The following UBE2W variants were observed in gnomAD, a reference collection of about 807,000 sequenced individuals.
The protein encoded by UBE2W is ubiquitin-conjugating enzyme E2 W.
UBE2W carries 18 observed loss-of-function variants against 27.2 expected under a neutral mutation model. The observed-to-expected ratio is 0.66, with a 90% confidence interval of 0.46 to 0.98. The LOEUF (loss-of-function observed/expected upper bound fraction) is 0.98, where lower values mean the gene tolerates loss of function less well. Ranked by LOEUF, UBE2W falls within the 50% of genes least tolerant of loss-of-function variation. The pLI is 0.00. For missense variants in UBE2W, 90 were observed against 180.2 expected, an observed-to-expected ratio of 0.50 and a Z score of 2.87; for synonymous variants, 53 against 57.2, an observed-to-expected ratio of 0.93 and a Z score of 0.33.
chr8:73,873,253 CAACA>C (rs1004236927), intron 1 of UBE2W, among the ~76,000 whole-genome samples: 4 of 152,148 alleles, frequency 2.6e-5, no homozygotes, highest in Non-Finnish European at 5.9e-5. Flanking sequence ...ATACTGACAT[CAACA>C]AACAGACGTC....
At chr8:73,794,854 T>TA (rs1289254274) in intron 5 of UBE2W, among the ~76,000 whole-genome samples, 1,097 of 43,802 alleles carry the variant, frequency 0.025, 26 homozygotes, top group East Asian at 0.18. Context: ...CTCTGTCTCA[T>TA]AAAAAAAAAA....
Position 73,791,768 on chromosome 8 carries a change from T to A in UBE2W, c.*2334A>T, listed in dbSNP as rs1226264060. The A allele has an allele frequency of 1.0e-6, 1 of 984,818 alleles. No homozygotes were observed. The highest frequency in any genetic ancestry group is 1.7e-5 in the African/African-American group (1 of 57,234). 61.0% of individuals were successfully genotyped at this position (984,818 alleles called of 1,614,324 possible). ...CTCCTATATTTTAGGATATTTCATC[T>A]TATTTTCTACTCTTTAAACCATAAG... On this transcript the variant is annotated 3_prime_UTR_variant, in exon 6 of 6. Coordinates refer to ENST00000602593, the MANE Select transcript of UBE2W (RefSeq NM_018299.6).
In UBE2W at chr8:73,791,948, G is replaced by A; in HGVS notation, c.*2154C>T. 1 of 985,106 alleles carries A rather than the reference G, an allele frequency of 1.0e-6. No homozygotes were observed. The highest frequency in any genetic ancestry group is 1.2e-6 in the Non-Finnish European group (1 of 829,704). The allele number at this position is 985,106 out of a possible 1,614,324, so 61.0% of individuals were successfully genotyped here. ...ACCTATTACTCTATAGTATAGCATT[G>A]TTAATCTTTGACTCAGTATATTAAT... On this transcript the variant is annotated 3_prime_UTR_variant, in exon 6 of 6. Coordinates refer to ENST00000602593, the MANE Select transcript of UBE2W (RefSeq NM_018299.6).
intron 4 of UBE2W, among the ~76,000 whole-genome samples, chr8:73,808,540 CTTT>C (rs1809015767): frequency 6.6e-6 from 1 of 152,184 alleles, no homozygotes; most frequent in African/African-American, 2.4e-5. Context: ...GCCTAAAACA[CTTT>C]TTAAGGTTTC....
At chr8:73,785,184 T>C (rs1050542453), downstream of UBE2W, among the ~76,000 whole-genome samples, 6 of 152,224 alleles carry the variant, frequency 3.9e-5, no homozygotes, top group Non-Finnish European at 8.8e-5. Flanking sequence ...TCTTGCTCTG[T>C]CACCCAGGCT....
At chr8:73,837,170 C>T (rs1295739001) in intron 1 of UBE2W, among the ~76,000 whole-genome samples, 1 of 152,158 alleles carries the variant, frequency 6.6e-6, no homozygotes, top group Non-Finnish European at 1.5e-5. Flanking sequence ...CCTTCAATAA[C>T]ACATATCCTG....
At chr8:73,866,774 G>A (rs887258496) in intron 1 of UBE2W, among the ~76,000 whole-genome samples, 4 of 152,096 alleles carry the variant, frequency 2.6e-5, no homozygotes, top group African/African-American at 9.7e-5. Context: ...AATTGGCTGG[G>A]CGCGGTGGCT....
chr8:73,840,945 G>C (rs1810512078), intron 1 of UBE2W, among the ~76,000 whole-genome samples: 1 of 152,140 alleles, frequency 6.6e-6, no homozygotes, highest in South Asian at 2.1e-4. Context: ...TTGACATTTT[G>C]AGAAACTATC....
At chr8:73,868,977 CAATT>C (rs1310534341) in intron 1 of UBE2W, among the ~76,000 whole-genome samples, 1 of 152,162 alleles carries the variant, frequency 6.6e-6, no homozygotes, top group African/African-American at 2.4e-5. Context: ...TCCAAACTGT[CAATT>C]AATCCATTGA....
chr8:73,877,184 T>A (rs1400894944), intron 1 of UBE2W, among the ~76,000 whole-genome samples: 1 of 152,222 alleles, frequency 6.6e-6, no homozygotes, highest in Non-Finnish European at 1.5e-5. Flanking sequence ...ATAAAAAATG[T>A]TTTAATCTTA....
rs1461152846 is a variant in UBE2W at position 73,792,452 on chromosome 8, A to G, written c.*1650T>C. On this transcript the variant is annotated 3_prime_UTR_variant, in exon 6 of 6. Transcript: ENST00000602593. The stretch of plus-strand genomic sequence containing the variant: ...AGTGTAAAATTATATGCCCTTAATT[A>G]ACAACATGTACAAAGCTACAAAATG... 2.0e-6 allele frequency: 2 copies of G among 985,574 alleles called. No individual in the cohort carries two copies. The highest frequency in any genetic ancestry group is 3.5e-5 in the African/African-American group (2 of 57,228). 61.1% of individuals were successfully genotyped at this position (985,574 alleles called of 1,614,324 possible).
chr8:73,806,251 C>T (rs748388703), intron 4 of UBE2W, among the ~76,000 whole-genome samples: 17 of 151,978 alleles, frequency 1.1e-4, no homozygotes, highest in Non-Finnish European at 4.4e-5. Context: ...CATAGCCGGG[C>T]GCAGTGGTGG....
chr8:73,804,155 T>TA (rs1369793593), intron 5 of UBE2W, among the ~76,000 whole-genome samples: 4 of 152,114 alleles, frequency 2.6e-5, no homozygotes, highest in African/African-American at 9.7e-5. Flanking sequence ...GGGGAACTTT[T>TA]AAGTTTTTAA....
intron 5 of UBE2W, among the ~76,000 whole-genome samples, 179 bp downstream of exon 5, chr8:73,805,472 C>CAAAAAAAAAAAAAACAAAACAAAA: frequency 2.3e-5 from 1 of 43,678 alleles, no homozygotes; most frequent in African/African-American, 6.0e-5. Context: ...AAAAAAAAAA[C>CAAAAAAAAAAAAAACAAAACAAAA]AAAAAAAACT....
At chr8:73,814,756 G>C (rs1809318082) in intron 3 of UBE2W, among the ~76,000 whole-genome samples, 1 of 152,166 alleles carries the variant, frequency 6.6e-6, no homozygotes, top group Non-Finnish European at 1.5e-5. Flanking sequence ...TCCTGACCTT[G>C]TGATCCGCCC....
chr8:73,866,032 C>T (rs974338262), intron 1 of UBE2W, among the ~76,000 whole-genome samples: 1 of 151,956 alleles, frequency 6.6e-6, no homozygotes, highest in African/African-American at 2.4e-5. Flanking sequence ...AATCCCACCA[C>T]TTTGGAAGGC....
intron 5 of UBE2W, 61 bp from the exon 6 acceptor site, chr8:73,794,176 A>T: frequency 6.4e-7 from 1 of 1,569,070 alleles, no homozygotes; most frequent in Non-Finnish European, 8.7e-7. Context: ...AAATTCTACA[A>T]GTCTGTTTAA....
At chr8:73,859,047 A>T (rs1047389728) in intron 1 of UBE2W, among the ~76,000 whole-genome samples, 1 of 150,056 alleles carries the variant, frequency 6.7e-6, no homozygotes, top group Non-Finnish European at 1.5e-5. Flanking sequence ...TTTTGGTGAG[A>T]GTCTTCTAAA....
chr8:73,781,328 T>A (rs181605413), downstream of UBE2W, among the ~76,000 whole-genome samples: 38 of 151,776 alleles, frequency 2.5e-4, 2 homozygotes, highest in African/African-American at 8.9e-4. Flanking sequence ...AATGGGCAAT[T>A]AACCCATAAA....
Sources: allele counts gnomAD v4.1 joint callset (sites outside exome capture counted in the v4.1 genomes callset), GRCh38; gene constraint gnomAD v4.1.1; transcripts MANE v1.5; gene names NCBI Gene and HGNC (gene_info 2026-07-23, HGNC 2026-07-21).